Variants in EPHA5 observed in about 807,000 individuals in gnomAD.
EPHA5 encodes the protein EPH receptor A5.
EPHA5 carries 60 observed loss-of-function variants against 105.0 expected under a neutral mutation model. That is an observed-to-expected ratio of 0.57 (90% CI 0.46 to 0.71). The LOEUF (loss-of-function observed/expected upper bound fraction) is 0.71. Ranked by LOEUF, EPHA5 falls within the 30% of genes least tolerant of loss-of-function variation. The pLI is 0.00. For missense variants in EPHA5, 1,218 were observed against 1,274.7 expected (o/e 0.96, Z 0.68); for synonymous variants, 513 against 449.1 (o/e 1.14, Z -1.80).
intron 3 of EPHA5, among the ~76,000 whole-genome samples, chr4:65,533,247 T>C (rs1735990710): frequency 6.6e-6 from 1 of 152,196 alleles, no homozygotes; most frequent in African/African-American, 2.4e-5. Flanking sequence ...AAAAAATTAA[T>C]TTAATTATTA....
chr4:65,576,751 A>G (rs891798217), intron 3 of EPHA5, among the ~76,000 whole-genome samples: 15 of 152,318 alleles, frequency 9.8e-5, no homozygotes, highest in African/African-American at 3.4e-4. Context: ...ACTTCCTGCT[A>G]TGGATTGTCA....
At position 65,443,905 on chromosome 4, in the gene EPHA5, C is replaced by G. The variant is rs866009501; in HGVS notation, c.1403-23340G>C. Among the ~76,000 whole-genome samples the G allele has an allele frequency of 4.3e-4, 64 of 150,046 alleles. No homozygotes were observed. In the Middle Eastern group the frequency reaches 0.01, roughly 24 times the overall value. On this transcript the variant is annotated intron_variant, in intron 5 of 16. Transcript: ENST00000613740. Reference sequence around the variant, plus strand: ...TTTCTACTTGCAGATGTTTGTGTGCCTGTGTGTGTGTGTGTGTGTGTGTGC... The same window carrying G: ...TTTCTACTTGCAGATGTTTGTGTGCGTGTGTGTGTGTGTGTGTGTGTGTGC...
chr4:65,645,132 T>C (rs868853737), intron 1 of EPHA5, among the ~76,000 whole-genome samples: 2 of 152,072 alleles, frequency 1.3e-5, no homozygotes, highest in South Asian at 4.1e-4. Context: ...TTCAGACAGA[T>C]CCATACTCTT....
intron 3 of EPHA5, among the ~76,000 whole-genome samples, chr4:65,514,673 A>G (rs1157507461): frequency 6.6e-6 from 1 of 152,170 alleles, no homozygotes; most frequent in Non-Finnish European, 1.5e-5. Context: ...TGCATTTTTA[A>G]AGGTTTGTTA....
Position 65,670,230 on chromosome 4 carries a change from G to A in EPHA5, c.-488C>T, listed in dbSNP as rs561279680. ...GGCTAAGGATAAAGAAAGAGGACTT[G>A]AGAAAATGTGGAGAATGAAAAACAG... On this transcript the variant is annotated 5_prime_UTR_variant, in exon 1 of 17. Transcript: ENST00000613740. 1 of 235,308 alleles carries A rather than the reference G, an allele frequency of 4.2e-6. No homozygotes were observed. The highest frequency in any genetic ancestry group is 2.2e-5 in the African/African-American group (1 of 45,480). 14.6% of individuals were successfully genotyped at this position (235,308 alleles called of 1,614,324 possible).
At chr4:65,412,207 CAT>C (rs1338918181) in intron 7 of EPHA5, among the ~76,000 whole-genome samples, 2 of 152,028 alleles carry the variant, frequency 1.3e-5, no homozygotes, top group Non-Finnish European at 2.9e-5. Flanking sequence ...CAGTCTGGGC[CAT>C]AGAGTGAGAC....
intron 5 of EPHA5, among the ~76,000 whole-genome samples, chr4:65,436,687 T>C (rs1046132413): frequency 6.6e-6 from 1 of 151,972 alleles, no homozygotes; most frequent in Admixed American, 6.6e-5. Context: ...AATCTACATG[T>C]TTGAAACAGT....
In EPHA5 at chr4:65,387,632, A is replaced by G. The variant is rs778485428; in HGVS notation, c.1793+16742T>C. On this transcript the variant is annotated intron_variant, in intron 8 of 16. Transcript: ENST00000613740. ...AATTACTAGAGAAGAGGTAAATCCAAAAGACTACAGTATGTACGTTTGGAA... is the reference window on the plus strand; with the variant it reads ...AATTACTAGAGAAGAGGTAAATCCAGAAGACTACAGTATGTACGTTTGGAA... Among the ~76,000 whole-genome samples the G allele has an allele frequency of 1.1e-4, 16 of 151,936 alleles. No homozygotes were observed. In the South Asian group the frequency reaches 1.2e-3, roughly 12 times the overall value.
At chr4:65,412,510 A>T (rs973272069) in intron 7 of EPHA5, among the ~76,000 whole-genome samples, 8 of 152,292 alleles carry the variant, frequency 5.3e-5, no homozygotes, top group African/African-American at 1.9e-4. Flanking sequence ...TTCTTTAAAA[A>T]GTTTTTAAAT....
intron 2 of EPHA5, among the ~76,000 whole-genome samples, chr4:65,604,283 A>T (rs1372266235): frequency 6.6e-6 from 1 of 152,204 alleles, no homozygotes; most frequent in Non-Finnish European, 1.5e-5. Context: ...CAAGCCAAGC[A>T]GCACTTGACA....
At chr4:65,631,941 A>C (rs1310507921) in intron 2 of EPHA5, among the ~76,000 whole-genome samples, 2 of 151,816 alleles carry the variant, frequency 1.3e-5, no homozygotes, top group African/African-American at 2.4e-5. Flanking sequence ...CAAATAATGC[A>C]TGTATATCTC....
chr4:65,513,076 G>T (rs1733776304), intron 3 of EPHA5, among the ~76,000 whole-genome samples: 1 of 152,162 alleles, frequency 6.6e-6, no homozygotes, highest in Admixed American at 6.5e-5. Flanking sequence ...GACAATTGAA[G>T]TAATTTGTGG....
chr4:65,329,889 A>T (rs1469552041), intron 16 of EPHA5, among the ~76,000 whole-genome samples: 1 of 151,018 alleles, frequency 6.6e-6, no homozygotes, highest in Non-Finnish European at 1.5e-5. Flanking sequence ...CAAGAAAGTA[A>T]CTGATTACTT....
At chr4:65,602,723 TA>T (rs1217663961) in intron 2 of EPHA5, among the ~76,000 whole-genome samples, 6 of 151,794 alleles carry the variant, frequency 4.0e-5, no homozygotes, top group African/African-American at 1.2e-4. Context: ...GAAATGCAAT[TA>T]AAAAAATGAA....
intron 5 of EPHA5, among the ~76,000 whole-genome samples, chr4:65,467,017 C>T (rs926615622): frequency 6.6e-6 from 1 of 152,036 alleles, no homozygotes; most frequent in African/African-American, 2.4e-5. Context: ...AGTGATAGCC[C>T]CTTAATTACC....
intron 2 of EPHA5, among the ~76,000 whole-genome samples, chr4:65,620,691 G>A (rs1003428449): frequency 2.0e-5 from 3 of 152,128 alleles, no homozygotes; most frequent in Non-Finnish European, 2.9e-5. Context: ...ATTTATTGTT[G>A]TGAAATAAAG....
chr4:65,366,330 A>T (rs958975636), intron 9 of EPHA5, among the ~76,000 whole-genome samples: 2 of 151,824 alleles, frequency 1.3e-5, no homozygotes, highest in Non-Finnish European at 2.9e-5. Flanking sequence ...TCCAAGGCAA[A>T]TTAAGACAAT....
chr4:65,604,094 T>C (rs1053964685), intron 2 of EPHA5, among the ~76,000 whole-genome samples: 2 of 4,344 alleles, frequency 4.6e-4, no homozygotes, highest in Non-Finnish European at 1.0e-3. Context: ...AAAACACAAA[T>C]ATGTATATTT....
At chr4:65,361,930 G>T (rs1717366956) in intron 11 of EPHA5, among the ~76,000 whole-genome samples, 1 of 151,490 alleles carries the variant, frequency 6.6e-6, no homozygotes, top group Non-Finnish European at 1.5e-5. Flanking sequence ...TAAGGATGCT[G>T]CAGTGAAAAA....
Sources: allele counts gnomAD v4.1 joint callset (sites outside exome capture counted in the v4.1 genomes callset), GRCh38; gene constraint gnomAD v4.1.1; transcripts MANE v1.5; gene names NCBI Gene and HGNC (gene_info 2026-07-23, HGNC 2026-07-21).